PTN: variants seen among roughly 807,000 people sequenced by gnomAD.
PTN encodes the protein pleiotrophin.
PTN carries 18 observed loss-of-function variants against 24.1 expected under a neutral mutation model. The ratio of observed to expected loss-of-function variants is 0.75; its 90% confidence interval spans 0.52 to 1.11. PTN has a LOEUF of 1.11. Among genes scored for constraint, PTN ranks in the 50% least tolerant of loss-of-function variants. The pLI, the probability that PTN is intolerant of heterozygous loss-of-function variation, is 0.00. For missense variants in PTN, 163 were observed against 198.8 expected (o/e 0.82, Z 1.08); for synonymous variants, 78 against 68.6 (o/e 1.14, Z -0.67).
intron 4 of PTN, among the ~76,000 whole-genome samples, chr7:137,245,792 CTGTG>C (rs1407317349): frequency 6.6e-6 from 1 of 151,798 alleles, no homozygotes; most frequent in East Asian, 1.9e-4. Context: ...CTAGGCTAAT[CTGTG>C]TGTGTCTTAG....
intron 1 of PTN, among the ~76,000 whole-genome samples, chr7:137,263,742 A>G (rs1809084618): frequency 6.6e-6 from 1 of 152,136 alleles, no homozygotes. Flanking sequence ...TTTTATGGGT[A>G]GTAGGAAGAA....
intron 1 of PTN, among the ~76,000 whole-genome samples, chr7:137,340,546 G>A (rs1585051862): frequency 6.6e-6 from 1 of 152,278 alleles, no homozygotes; most frequent in African/African-American, 2.4e-5. Flanking sequence ...GACTCTGGAT[G>A]GAAAAAAGCA....
intron 3 of PTN, among the ~76,000 whole-genome samples, chr7:137,253,196 T>A (rs1378777053): frequency 6.6e-6 from 1 of 152,052 alleles, no homozygotes; most frequent in Non-Finnish European, 1.5e-5. Flanking sequence ...TTTGGAGACA[T>A]TTTTAGTTTT....
Position 137,343,547 on chromosome 7 carries a change from G to A in PTN, c.-110C>T, listed in dbSNP as rs1370643618. The A allele has an allele frequency of 1.9e-6, 1 of 518,958 alleles. No individual in the cohort carries two copies. Among genetic ancestry groups the A allele is most frequent in the Admixed American group, 1.9e-5 (1 of 51,612 alleles). The allele number at this position is 518,958 out of a possible 1,614,324, so 32.1% of individuals were successfully genotyped here. ...GCTCGCTGCAGCTCCTGCTTGGGCCGCTGCTGCTCTCCCCGCCTTCTGGAC... is the reference window on the plus strand; with the variant it reads ...GCTCGCTGCAGCTCCTGCTTGGGCCACTGCTGCTCTCCCCGCCTTCTGGAC... On this transcript the variant is annotated 5_prime_UTR_variant, in exon 1 of 5. Coordinates refer to ENST00000348225, the MANE Select transcript of PTN (RefSeq NM_002825.7).
intron 1 of PTN, among the ~76,000 whole-genome samples, chr7:137,319,310 G>T (rs773610041): frequency 6.6e-6 from 1 of 152,172 alleles, no homozygotes; most frequent in Non-Finnish European, 1.5e-5. Context: ...GCATTTATCA[G>T]TCTCCGGCTT....
rs191980268 is a variant in PTN, at chr7:137,268,196, G to A, written c.-1-13222C>T. On this transcript the variant is annotated intron_variant, in intron 1 of 4. Transcript: ENST00000348225. ...ACGGCTCTGGCGAGGCATCCCACCG[G>A]GGCAAATGCCTACCCGGGAGCGCTC... 3.7e-3 allele frequency among the ~76,000 whole-genome samples: 569 copies of A among 152,130 alleles called. 15 individuals carry two copies. Among genetic ancestry groups the A allele is most frequent in the Non-Finnish European group, 1.2e-3 (81 of 68,004 alleles).
At chr7:137,319,282 T>C (rs576529929) in intron 1 of PTN, among the ~76,000 whole-genome samples, 70 of 152,346 alleles carry the variant, frequency 4.6e-4, no homozygotes, top group African/African-American at 1.6e-3. Flanking sequence ...TGAGAATTAA[T>C]TGAGTCATAA....
intron 1 of PTN, among the ~76,000 whole-genome samples, chr7:137,271,523 TAC>T (rs2128874447): frequency 6.6e-6 from 1 of 152,210 alleles, no homozygotes; most frequent in East Asian, 1.9e-4. Context: ...TCGAAGGAAA[TAC>T]ACTGGGTTTT....
intron 1 of PTN, 67 bp from the exon 2 acceptor site, chr7:137,255,041 C>A: frequency 1.8e-6 from 2 of 1,128,542 alleles, no homozygotes; most frequent in South Asian, 2.3e-5. Context: ...ATTCATTGAA[C>A]CCTTGATGAA....
chr7:137,248,373 G>A (rs1460345991), intron 4 of PTN, among the ~76,000 whole-genome samples: 1 of 152,066 alleles, frequency 6.6e-6, no homozygotes, highest in Non-Finnish European at 1.5e-5. Context: ...ACATCTCCCT[G>A]GTTCAACTCC....
chr7:137,339,450 T>G (rs560997487), intron 1 of PTN, among the ~76,000 whole-genome samples: 2 of 148,784 alleles, frequency 1.3e-5, no homozygotes, highest in African/African-American at 2.5e-5. Flanking sequence ...CGAGACGATG[T>G]GATGGACATG....
In PTN at chr7:137,268,439, T is replaced by C. The variant is rs150207576; in HGVS notation, c.-1-13465A>G. ...TGGGAGCATCAGCAGCCTAGCGTCT[T>C]AAAATCTGAGCTCCTCAGGTGCTCA... On this transcript the variant is annotated intron_variant, in intron 1 of 4. Transcript: ENST00000348225. 8.7e-3 allele frequency among the ~76,000 whole-genome samples: 1,314 copies of C among 151,706 alleles called. 17 individuals carry two copies. The highest frequency in any genetic ancestry group is 0.013 in the Non-Finnish European group (878 of 67,962).
At chr7:137,315,551 C>T (rs1424088592) in intron 1 of PTN, among the ~76,000 whole-genome samples, 2 of 152,048 alleles carry the variant, frequency 1.3e-5, no homozygotes, top group East Asian at 1.9e-4. Context: ...CTCTCGTGGG[C>T]AAGTTGGGAC....
intron 1 of PTN, among the ~76,000 whole-genome samples, chr7:137,278,755 C>T (rs1222374011): frequency 6.6e-6 from 1 of 151,686 alleles, no homozygotes; most frequent in African/African-American, 2.4e-5. Flanking sequence ...ACCTAGCCAA[C>T]ATGGTGACAC....
At position 137,330,007 on chromosome 7, in the gene PTN, T is replaced by A. The variant is rs113045647; in HGVS notation, c.-2+13432A>T. ...TCCACATGAAAATAATGCCAGTTGGTCGGGTGCAGTGGCTCACACCTGTAA... is the reference window on the plus strand; with the variant it reads ...TCCACATGAAAATAATGCCAGTTGGACGGGTGCAGTGGCTCACACCTGTAA... On this transcript the variant is annotated intron_variant, in intron 1 of 4. Transcript: ENST00000348225. Among the ~76,000 whole-genome samples the A allele has an allele frequency of 5.4e-3, 820 of 152,168 alleles. 5 individuals carry two copies. Among genetic ancestry groups the A allele is most frequent in the African/African-American group, 0.019 (784 of 41,526 alleles).
At chr7:137,263,624 A>G (rs911172806) in intron 1 of PTN, among the ~76,000 whole-genome samples, 1 of 152,054 alleles carries the variant, frequency 6.6e-6, no homozygotes, top group African/African-American at 2.4e-5. Flanking sequence ...CAGGCCTATA[A>G]TATTGTATGA....
intron 1 of PTN, among the ~76,000 whole-genome samples, chr7:137,333,777 C>T (rs780333150): frequency 1.3e-5 from 2 of 152,146 alleles, no homozygotes; most frequent in African/African-American, 2.4e-5. Context: ...CATCACGCTA[C>T]CTGACTTCAA....
intron 1 of PTN, among the ~76,000 whole-genome samples, chr7:137,331,993 T>G (rs904065993): frequency 1.6e-4 from 24 of 152,252 alleles, no homozygotes; most frequent in Non-Finnish European, 2.9e-5. Context: ...TTTATGAGCA[T>G]TCATAACATT....
In PTN at chr7:137,254,848, C is replaced by A; in HGVS notation, c.115+11G>T. The A allele has an allele frequency of 6.5e-7, 1 of 1,529,452 alleles. No individual in the cohort carries two copies. The highest frequency in any genetic ancestry group is 8.9e-7 in the Non-Finnish European group (1 of 1,119,570). The allele number at this position is 1,529,452 out of a possible 1,614,324, so 94.7% of individuals were successfully genotyped here. The stretch of plus-strand genomic sequence containing the variant: ...AATGAAGCATCTTGCCTTCAGAACC[C>A]TACTGCTTACCTGGTTTCTCTTTCT... On this transcript the variant is annotated intron_variant, in intron 2 of 4. Transcript: ENST00000348225.
Sources: allele counts gnomAD v4.1 joint callset (sites outside exome capture counted in the v4.1 genomes callset), GRCh38; gene constraint gnomAD v4.1.1; transcripts MANE v1.5; gene names NCBI Gene and HGNC (gene_info 2026-07-23, HGNC 2026-07-21).